Variants in STK3 observed in about 807,000 individuals in gnomAD.
The protein encoded by STK3 is serine/threonine kinase 3, also known as serine/threonine-protein kinase 3.
In STK3, 41 loss-of-function variants were observed where a neutral mutation model predicts 58.0. The observed-to-expected ratio is 0.71, with a 90% CI of 0.55 to 0.92. The LOEUF is 0.92. STK3 is among the 40% of genes least tolerant of loss of function. STK3 has a pLI of 0.00. For synonymous variants in STK3, 170 were observed against 191.0 expected, an observed-to-expected ratio of 0.89 and a Z score of 0.91; for missense variants, 479 against 602.7, an observed-to-expected ratio of 0.79 and a Z score of 2.15.
intron 6 of STK3, among the ~76,000 whole-genome samples, chr8:98,601,946 TAA>T (rs1161112792): frequency 1.3e-5 from 2 of 152,188 alleles, no homozygotes; most frequent in African/African-American, 2.4e-5. Flanking sequence ...GTATCAGCCA[TAA>T]AAGAGTCTGA....
chr8:98,698,682 A>G (rs1563903772), intron 6 of STK3, among the ~76,000 whole-genome samples: 1 of 152,212 alleles, frequency 6.6e-6, no homozygotes, highest in Non-Finnish European at 1.5e-5. Context: ...AAGAATGTTG[A>G]ATATTGGCCC....
chr8:98,701,840 AT>A (rs1359765716), intron 6 of STK3, among the ~76,000 whole-genome samples: 1 of 152,102 alleles, frequency 6.6e-6, no homozygotes, highest in African/African-American at 2.4e-5. Flanking sequence ...GTGGTTTCAT[AT>A]TTAACTTTAT....
At chr8:98,816,742 C>T (rs2131707429) in intron 1 of STK3, among the ~76,000 whole-genome samples, 1 of 152,224 alleles carries the variant, frequency 6.6e-6, no homozygotes, top group South Asian at 2.1e-4. Context: ...CCATGTTGGT[C>T]AGGCTGGTCT....
intron 3 of STK3, among the ~76,000 whole-genome samples, chr8:98,404,165 G>A (rs182741361): frequency 1.3e-3 from 201 of 152,186 alleles, no homozygotes; most frequent in Non-Finnish European, 2.3e-3. Context: ...CTGTCCTTTT[G>A]CCAGAAAAAC....
At chr8:98,614,548 C>G (rs895943562) in intron 6 of STK3, among the ~76,000 whole-genome samples, 2 of 152,050 alleles carry the variant, frequency 1.3e-5, no homozygotes. Context: ...TCTGAGGTAC[C>G]GGGTTCATCT....
At chr8:98,673,435 A>C (rs1050202010) in intron 6 of STK3, among the ~76,000 whole-genome samples, 15 of 152,238 alleles carry the variant, frequency 9.9e-5, no homozygotes, top group Admixed American at 3.3e-4. Flanking sequence ...GAACACAACC[A>C]TATAAAGGAA....
At chr8:98,705,620 C>T (rs149763724) in intron 6 of STK3, among the ~76,000 whole-genome samples, 1 of 152,166 alleles carries the variant, frequency 6.6e-6, no homozygotes, top group Admixed American at 6.5e-5. Flanking sequence ...TATCTATTTA[C>T]TTCACATTCC....
intron 9 of STK3, among the ~76,000 whole-genome samples, chr8:98,528,887 G>A (rs886403733): frequency 1.3e-5 from 2 of 152,148 alleles, no homozygotes; most frequent in Non-Finnish European, 2.9e-5. Context: ...TGAAGACAGA[G>A]GTAATGGCTC....
chr8:98,711,661 G>C (rs1289738586), intron 4 of STK3, among the ~76,000 whole-genome samples: 1 of 152,214 alleles, frequency 6.6e-6, no homozygotes, highest in African/African-American at 2.4e-5. Flanking sequence ...TGTCTGATTG[G>C]TGTACCTGAA....
At chr8:98,825,451 G>A in intron 1 of STK3, 64 bp downstream of exon 1, 1 of 1,407,472 alleles carries the variant, frequency 7.1e-7, no homozygotes, top group Non-Finnish European at 9.4e-7. Flanking sequence ...GCCTGGCCTA[G>A]CCACCCCCGC....
intron 6 of STK3, among the ~76,000 whole-genome samples, chr8:98,696,752 G>C (rs769371486): frequency 7.9e-5 from 12 of 152,054 alleles, no homozygotes; most frequent in African/African-American, 2.9e-4. Flanking sequence ...TGCTGGATTC[G>C]TTTTGCCAGT....
intron 3 of STK3, among the ~76,000 whole-genome samples, chr8:98,851,883 G>A (rs1836482393): frequency 6.6e-6 from 1 of 152,198 alleles, no homozygotes; most frequent in Non-Finnish European, 1.5e-5. Flanking sequence ...TACTTAGCTA[G>A]AGGCTAAGGT....
chr8:98,450,431 A>G (rs1229842793), downstream of STK3, among the ~76,000 whole-genome samples: 1 of 152,252 alleles, frequency 6.6e-6, no homozygotes, highest in African/African-American at 2.4e-5. Flanking sequence ...GCTGTATTAC[A>G]GATGAAGATA....
At chr8:98,509,107 G>A (rs190998686) in intron 10 of STK3, among the ~76,000 whole-genome samples, 32 of 152,028 alleles carry the variant, frequency 2.1e-4, no homozygotes, top group African/African-American at 7.2e-4. Flanking sequence ...TAGAGATTCA[G>A]CATATGATGA....
At chr8:98,481,627 A>C (rs566450237) in intron 10 of STK3, among the ~76,000 whole-genome samples, 1 of 152,108 alleles carries the variant, frequency 6.6e-6, no homozygotes, top group Non-Finnish European at 1.5e-5. Context: ...CCTACTGGGT[A>C]CACTATTCGG....
Position 98,428,216 on chromosome 8 carries a change from C to T in STK3, n.483+5911G>A, listed in dbSNP as rs1336620810. 2 of 1,614,162 alleles carry T rather than the reference C, an allele frequency of 1.2e-6. No homozygotes were observed. The highest frequency in any genetic ancestry group is 8.5e-7 in the Non-Finnish European group (1 of 1,180,028). ...TCGACCGCAACCCTGAGCTCTTCCCCTACGTGCTGCATTTCTATCACACCG... is the reference window on the plus strand; with the variant it reads ...TCGACCGCAACCCTGAGCTCTTCCCTTACGTGCTGCATTTCTATCACACCG... On this transcript the variant is annotated intron_variant and non_coding_transcript_variant, in intron 3 of 3. Transcript: ENST00000517832. The surrounding 1 kb of genome is among the most constrained non-coding windows in gnomAD (Gnocchi z 6.7).
At chr8:98,939,879 C>T (rs1485214978) in intron 1 of STK3, among the ~76,000 whole-genome samples, 1 of 152,228 alleles carries the variant, frequency 6.6e-6, no homozygotes, top group African/African-American at 2.4e-5. Flanking sequence ...CGGAGAGCCC[C>T]CCTCTCCCCG....
In STK3 at chr8:98,749,384, A is replaced by G. The variant is rs765796759; in HGVS notation, c.243T>C (p.Tyr81=). Residue 81 remains tyrosine (Y), a synonymous_variant, in exon 4 of 11, where the codon TAT becomes TAC. Coordinates refer to ENST00000419617, the MANE Select transcript of STK3 (RefSeq NM_006281.4). The part of the protein sequence containing the change: ...ISIMQQCDSP[Y]VVKYYGSYFK... ...AATAACTGCCATAGTACTTTACAACATATGGGCTAAAGGAAAATACATAAA... is the reference window on the plus strand; with the variant it reads ...AATAACTGCCATAGTACTTTACAACGTATGGGCTAAAGGAAAATACATAAA... 6.5e-7 allele frequency: 1 copy of G among 1,540,542 alleles called. No homozygotes were observed. The highest frequency in any genetic ancestry group is 1.3e-5 in the South Asian group (1 of 79,450).
At chr8:98,771,662 T>TCAAGCAATTCTCCTGTCTC (rs1440809088) in intron 2 of STK3, among the ~76,000 whole-genome samples, 3 of 152,110 alleles carry the variant, frequency 2.0e-5, no homozygotes, top group Non-Finnish European at 4.4e-5. Flanking sequence ...CCTCCTGGGT[T>TCAAGCAATTCTCCTGTCTC]CAAGCAATTC....
Sources: allele counts gnomAD v4.1 joint callset (sites outside exome capture counted in the v4.1 genomes callset), GRCh38; gene constraint gnomAD v4.1.1; non-coding constraint Gnocchi (gnomAD v3.1); transcripts MANE v1.5; gene names NCBI Gene and HGNC (gene_info 2026-07-23, HGNC 2026-07-21).